Variants in CALCR observed in about 807,000 individuals in gnomAD.
CALCR encodes calcitonin receptor.
Under a neutral mutation model 59.5 loss-of-function variants are expected in CALCR, and 47 were observed. That is an observed-to-expected ratio of 0.79 (90% CI 0.63 to 1.01). CALCR has a LOEUF of 1.01. Among genes scored for constraint, CALCR ranks in the 50% least tolerant of loss-of-function variants. CALCR has a pLI of 0.00. For synonymous variants in CALCR, 213 were observed against 211.3 expected (o/e 1.01, Z -0.07); for missense variants, 566 against 597.1 (o/e 0.95, Z 0.54).
intron 3 of CALCR, among the ~76,000 whole-genome samples, chr7:93,480,840 G>A (rs943655355): frequency 1.3e-5 from 2 of 151,820 alleles, no homozygotes; most frequent in African/African-American, 2.4e-5. Context: ...AAGCCTTTTG[G>A]GATGGAGGGA....
intron 2 of CALCR, among the ~76,000 whole-genome samples, chr7:93,539,265 T>C (rs544965739): frequency 6.6e-6 from 1 of 152,282 alleles, no homozygotes; most frequent in East Asian, 1.9e-4. Context: ...GATCTACATT[T>C]ATTGACTATA....
intron 2 of CALCR, among the ~76,000 whole-genome samples, chr7:93,533,387 T>G (rs920687683): frequency 6.6e-6 from 1 of 151,954 alleles, no homozygotes; most frequent in Non-Finnish European, 1.5e-5. Flanking sequence ...AGTATGATTT[T>G]ATTTTTGCAA....
intron 2 of CALCR, among the ~76,000 whole-genome samples, chr7:93,563,115 G>A (rs375372016): frequency 2.6e-5 from 4 of 152,060 alleles, no homozygotes; most frequent in East Asian, 1.9e-4. Flanking sequence ...AATCCCTCCC[G>A]TTGCACAAGT....
chr7:93,555,995 A>G (rs2116247374), intron 2 of CALCR, among the ~76,000 whole-genome samples: 1 of 152,324 alleles, frequency 6.6e-6, no homozygotes, highest in Non-Finnish European at 1.5e-5. Context: ...TGCTTGGGAC[A>G]GATATTTCAC....
chr7:93,441,324 G>C (rs1353391468), intron 9 of CALCR, among the ~76,000 whole-genome samples: 1 of 152,154 alleles, frequency 6.6e-6, no homozygotes, highest in Non-Finnish European at 1.5e-5. Flanking sequence ...GTGTGTTTGT[G>C]TGTGTGTTTG....
Position 93,425,843 on chromosome 7 carries a change from C to G in CALCR, c.*513G>C, listed in dbSNP as rs183776020. The G allele has an allele frequency of 2.1e-3, 324 of 152,440 alleles. No homozygotes were observed. The highest frequency in any genetic ancestry group is 6.8e-3 in the Middle Eastern group (2 of 294). The allele number at this position is 152,440 out of a possible 1,614,324, so 9.4% of individuals were successfully genotyped here. On this transcript the variant is annotated 3_prime_UTR_variant, in exon 14 of 14. Coordinates refer to ENST00000426151, the MANE Select transcript of CALCR (RefSeq NM_001742.4). ...AAGCCGCTTTGTCTTGCAGAGGTCA[C>G]GTAGTTCATGTGGTTTACATTGTAA...
At chr7:93,557,089 T>C (rs1200342926) in intron 2 of CALCR, among the ~76,000 whole-genome samples, 1 of 152,042 alleles carries the variant, frequency 6.6e-6, no homozygotes, top group Non-Finnish European at 1.5e-5. Flanking sequence ...TTTGAATTTA[T>C]AGAAACTCTT....
At chr7:93,461,192 A>C (rs1463025225) in intron 7 of CALCR, among the ~76,000 whole-genome samples, 2 of 152,182 alleles carry the variant, frequency 1.3e-5, no homozygotes, top group Admixed American at 1.3e-4. Context: ...AAATAACTGA[A>C]AGAGTGGGTG....
chr7:93,552,036 G>A (rs988023475), intron 2 of CALCR, among the ~76,000 whole-genome samples: 3 of 152,152 alleles, frequency 2.0e-5, no homozygotes, highest in Non-Finnish European at 4.4e-5. Context: ...AGAGCATGTC[G>A]ACCTCGTGGC....
intron 2 of CALCR, among the ~76,000 whole-genome samples, chr7:93,566,211 C>T (rs759348016): frequency 1.2e-4 from 18 of 152,230 alleles, no homozygotes; most frequent in Non-Finnish European, 2.1e-4. Flanking sequence ...ACAATAAAAA[C>T]CTATGAAATC....
chr7:93,505,116 A>G (rs539027673), intron 2 of CALCR, among the ~76,000 whole-genome samples: 1 of 152,268 alleles, frequency 6.6e-6, no homozygotes, highest in Non-Finnish European at 1.5e-5. Context: ...CTGCAATTCA[A>G]GCATATTTTC....
intron 2 of CALCR, among the ~76,000 whole-genome samples, chr7:93,515,516 A>G (rs1801632173): frequency 6.6e-6 from 1 of 152,050 alleles, no homozygotes; most frequent in African/African-American, 2.4e-5. Context: ...TTTAGCTGTT[A>G]TTATTTTGGT....
Position 93,532,018 on chromosome 7 carries a change from A to G in CALCR, c.-27+42271T>C, listed in dbSNP as rs756297536. On this transcript the variant is annotated intron_variant, in intron 2 of 13. Transcript: ENST00000426151. ...ATTCTTTCTGATATTTTAAAAAACA[A>G]CTATAATGCAAGATGAATATGTGTT... 2.2e-4 allele frequency among the ~76,000 whole-genome samples: 34 copies of G among 152,110 alleles called. 1 individual carries two copies. The highest frequency in any genetic ancestry group is 4.7e-4 in the Non-Finnish European group (32 of 68,004).
rs140043489 is a variant in CALCR at position 93,435,824 on chromosome 7, TAATA to T, written c.1149+124_1149+127del. The T allele has an allele frequency of 0.028, 8,741 of 310,956 alleles. 458 individuals carry two copies. The highest frequency in any genetic ancestry group is 0.096 in the African/African-American group (4,221 of 43,886). The allele number at this position is 310,956 out of a possible 1,614,324, so 19.3% of individuals were successfully genotyped here. A position where few individuals can be genotyped will look rare whatever the true frequency, so the allele number is the denominator to read the frequency against. On this transcript the variant is annotated intron_variant, in intron 12 of 13. Coordinates refer to ENST00000426151, the MANE Select transcript of CALCR (RefSeq NM_001742.4). ...CTGTGTCAAAAAAAATAAAATAAAATAATAAATAAATAAATAAATAAATAAACAA... is the reference window on the plus strand; with the variant it reads ...CTGTGTCAAAAAAAATAAAATAAAATAATAAATAAATAAATAAATAAACAA...
At chr7:93,562,646 C>T (rs1250709773) in intron 2 of CALCR, among the ~76,000 whole-genome samples, 2 of 152,270 alleles carry the variant, frequency 1.3e-5, no homozygotes, top group African/African-American at 4.8e-5. Context: ...ATATCTGGAA[C>T]CCAACCCTTT....
At chr7:93,555,241 AG>A (rs1397432201) in intron 2 of CALCR, among the ~76,000 whole-genome samples, 5 of 152,146 alleles carry the variant, frequency 3.3e-5, no homozygotes, top group Admixed American at 6.6e-5. Context: ...AAAGGAGGTC[AG>A]GGTTTGATAG....
intron 4 of CALCR, 34 bp downstream of exon 4, chr7:93,479,320 T>G: frequency 6.4e-6 from 10 of 1,553,612 alleles, no homozygotes; most frequent in Non-Finnish European, 7.8e-6. Flanking sequence ...TAATGGTGTT[T>G]CAAACATATG....
At chr7:93,450,083 C>T (rs376599145) in intron 8 of CALCR, among the ~76,000 whole-genome samples, 1 of 152,042 alleles carries the variant, frequency 6.6e-6, no homozygotes, top group African/African-American at 2.4e-5. Context: ...TTAAGCTATC[C>T]TTTTCCATCT....
intron 2 of CALCR, among the ~76,000 whole-genome samples, chr7:93,488,049 CA>C (rs1562993669): frequency 6.6e-6 from 1 of 151,642 alleles, no homozygotes; most frequent in Admixed American, 6.6e-5. Flanking sequence ...TTCAGACTAA[CA>C]GAAGACCTCT....
Sources: allele counts gnomAD v4.1 joint callset (sites outside exome capture counted in the v4.1 genomes callset), GRCh38; gene constraint gnomAD v4.1.1; transcripts MANE v1.5; gene names NCBI Gene and HGNC (gene_info 2026-07-23, HGNC 2026-07-21).